NLGN1: variants seen among roughly 807,000 people sequenced by gnomAD.
NLGN1 encodes the protein neuroligin-1.
In NLGN1, 12 loss-of-function variants were observed where a neutral mutation model predicts 65.5. The observed-to-expected ratio is 0.18, with a 90% CI of 0.12 to 0.30. The LOEUF (loss-of-function observed/expected upper bound fraction) is 0.30, where lower values mean the gene tolerates loss of function less well. Among genes scored for constraint, NLGN1 ranks in the 10% least tolerant of loss-of-function variants. NLGN1 has a pLI of 1.00. For missense variants in NLGN1, 750 were observed against 1,007.1 expected (o/e 0.74, Z 3.46); for synonymous variants, 350 against 359.5 (o/e 0.97, Z 0.30).
intron 3 of NLGN1, among the ~76,000 whole-genome samples, chr3:173,674,432 CA>C (rs547232361): frequency 7.4e-5 from 11 of 149,074 alleles, no homozygotes; most frequent in Non-Finnish European, 1.0e-4. Context: ...ATAGCTTGTC[CA>C]AAAAAAAAAT....
intron 3 of NLGN1, among the ~76,000 whole-genome samples, chr3:173,688,868 G>A (rs981619532): frequency 6.6e-6 from 1 of 152,130 alleles, no homozygotes; most frequent in Non-Finnish European, 1.5e-5. Flanking sequence ...TCATTAAAAT[G>A]GTGCCAAGGA....
intron 4 of NLGN1, among the ~76,000 whole-genome samples, chr3:174,154,426 A>G (rs1253869660): frequency 6.6e-6 from 1 of 152,054 alleles, no homozygotes; most frequent in African/African-American, 2.4e-5. Flanking sequence ...GGTGACACAA[A>G]GTAAGTGATT....
intron 3 of NLGN1, among the ~76,000 whole-genome samples, chr3:173,618,164 C>T (rs73880523): frequency 0.019 from 2,886 of 152,060 alleles, 98 homozygotes; most frequent in African/African-American, 0.064. Flanking sequence ...TAAACATATA[C>T]GTGAATTCAG....
intron 3 of NLGN1, among the ~76,000 whole-genome samples, chr3:173,745,127 A>G (rs1370441023): frequency 6.6e-6 from 1 of 152,002 alleles, no homozygotes; most frequent in Non-Finnish European, 1.5e-5. Context: ...TTCATCATCT[A>G]TTGTGAAGTG....
intron 4 of NLGN1, among the ~76,000 whole-genome samples, chr3:174,128,697 T>C (rs534667356): frequency 9.2e-5 from 14 of 152,272 alleles, no homozygotes; most frequent in Admixed American, 6.5e-4. Context: ...AGCTTGTAAC[T>C]TGTCCATTTC....
chr3:174,247,943 T>C (rs1183841730), intron 4 of NLGN1, among the ~76,000 whole-genome samples: 8 of 152,198 alleles, frequency 5.3e-5, no homozygotes, highest in Non-Finnish European at 1.0e-4. Flanking sequence ...TAATAATCCA[T>C]AGGACATGTT....
At chr3:173,454,380 C>T (rs1478331879) in intron 2 of NLGN1, among the ~76,000 whole-genome samples, 1 of 152,190 alleles carries the variant, frequency 6.6e-6, no homozygotes, top group African/African-American at 2.4e-5. Flanking sequence ...AGCCTACAAG[C>T]CAGGCATTGA....
At chr3:173,596,167 A>G (rs899277299) in intron 2 of NLGN1, among the ~76,000 whole-genome samples, 5 of 152,274 alleles carry the variant, frequency 3.3e-5, no homozygotes, top group Admixed American at 1.3e-4. Context: ...TTTCTCATTA[A>G]CATTCTATTT....
chr3:173,948,331 G>C (rs1747569163), intron 4 of NLGN1, among the ~76,000 whole-genome samples: 1 of 152,170 alleles, frequency 6.6e-6, no homozygotes, highest in African/African-American at 2.4e-5. Context: ...TAACTAAGCT[G>C]TTAGCTGTTG....
At chr3:174,199,789 A>G (rs1178805575) in intron 4 of NLGN1, among the ~76,000 whole-genome samples, 1 of 152,226 alleles carries the variant, frequency 6.6e-6, no homozygotes, top group Non-Finnish European at 1.5e-5. Flanking sequence ...GCACAGTTCT[A>G]CAAGATTTTC....
intron 3 of NLGN1, among the ~76,000 whole-genome samples, chr3:173,699,377 C>A (rs758953431): frequency 6.6e-6 from 1 of 152,142 alleles, no homozygotes; most frequent in Non-Finnish European, 1.5e-5. Context: ...CTATTCTTGA[C>A]GTTAAATATG....
chr3:173,820,206 A>G (rs1395906174), intron 4 of NLGN1, among the ~76,000 whole-genome samples: 1 of 150,244 alleles, frequency 6.7e-6, no homozygotes, highest in East Asian at 2.0e-4. Context: ...AAAAAAAACG[A>G]GAAAGAGTAG....
intron 4 of NLGN1, among the ~76,000 whole-genome samples, chr3:174,217,699 AT>A (rs1309931117): frequency 1.3e-5 from 2 of 152,076 alleles, no homozygotes; most frequent in African/African-American, 4.8e-5. Flanking sequence ...GCTTCAACTT[AT>A]CTTTTGGAGA....
At chr3:173,605,545 T>A in intron 3 of NLGN1, 8 of 1,286,560 alleles carry the variant, frequency 6.2e-6, no homozygotes, top group Non-Finnish European at 8.1e-6. Flanking sequence ...AAAAAGAATA[T>A]CCAAGGAATG....
In NLGN1 at chr3:173,885,112, C is replaced by T. The variant is rs527996709; in HGVS notation, c.646+77280C>T. Among the ~76,000 whole-genome samples the T allele has an allele frequency of 2.6e-5, 4 of 152,196 alleles. No individual in the cohort carries two copies. The East Asian group carries it at 5.8e-4, about 22-fold the overall frequency. On this transcript the variant is annotated intron_variant, in intron 4 of 6. Coordinates refer to ENST00000457714, the Ensembl canonical transcript of NLGN1. ...AGAGGACACATTCAAACCACAGAAA[C>T]CAAAATGGTAAGATTCAGTTGAAAT...
At chr3:173,431,885 T>C (rs1207570254) in intron 1 of NLGN1, among the ~76,000 whole-genome samples, 1 of 151,894 alleles carries the variant, frequency 6.6e-6, no homozygotes, top group Admixed American at 6.6e-5. Context: ...TGCCTATTTA[T>C]ATCTTCCTCC....
chr3:173,841,413 T>G (rs904760577), intron 4 of NLGN1, among the ~76,000 whole-genome samples: 1 of 152,168 alleles, frequency 6.6e-6, no homozygotes, highest in African/African-American at 2.4e-5. Context: ...ATTCATAAAA[T>G]ATGTGGAACA....
chr3:174,153,194 T>C (rs1442739935), intron 4 of NLGN1, among the ~76,000 whole-genome samples: 1 of 152,136 alleles, frequency 6.6e-6, no homozygotes, highest in Non-Finnish European at 1.5e-5. Flanking sequence ...ACTCCCTTAT[T>C]CGACTTTTCC....
intron 2 of NLGN1, among the ~76,000 whole-genome samples, chr3:173,486,384 C>T (rs145030906): frequency 4.6e-5 from 7 of 151,934 alleles, no homozygotes; most frequent in Admixed American, 2.6e-4. Context: ...TAATGTTCAC[C>T]GATATTTTGA....
Sources: gnomAD v4.1 joint callset for allele counts (sites outside exome capture counted in the v4.1 genomes callset) on GRCh38, gnomAD v4.1.1 for gene constraint, MANE v1.5 for transcripts, NCBI Gene and HGNC (gene_info 2026-07-23, HGNC 2026-07-21) for gene names.